LINGO2: variants seen among roughly 807,000 people sequenced by gnomAD.
The protein encoded by LINGO2 is leucine rich repeat and Ig domain containing 2.
In LINGO2, 14 loss-of-function variants were observed where a neutral mutation model predicts 30.6. The ratio of observed to expected loss-of-function variants is 0.46; its 90% confidence interval spans 0.30 to 0.72. The LOEUF (loss-of-function observed/expected upper bound fraction) is 0.72, where lower values mean the gene tolerates loss of function less well. Ranked by LOEUF, LINGO2 falls within the 30% of genes least tolerant of loss-of-function variation. LINGO2 has a pLI of 0.07. For synonymous variants in LINGO2, 317 were observed against 288.5 expected (o/e 1.10, Z -1.00); for missense variants, 729 against 751.7 (o/e 0.97, Z 0.35).
At chr9:28,167,145 C>CA (rs1828451708) in intron 4 of LINGO2, among the ~76,000 whole-genome samples, 1 of 140,614 alleles carries the variant, frequency 7.1e-6, no homozygotes, top group African/African-American at 2.6e-5. Flanking sequence ...TAGCACCCCC[C>CA]CCCCCCACTT....
chr9:29,024,833 T>C, the LINGO2 span, among the ~76,000 whole-genome samples: 6 of 152,112 alleles, frequency 3.9e-5, no homozygotes, highest in African/African-American at 1.2e-4. Flanking sequence ...TTTGACAAAA[T>C]GTGTGTTTCA....
chr9:28,646,382 T>C (rs956121712), intron 1 of LINGO2, among the ~76,000 whole-genome samples: 1 of 152,078 alleles, frequency 6.6e-6, no homozygotes, highest in African/African-American at 2.4e-5. Context: ...GCTCCTTTCA[T>C]AGGAGCAAGC....
chr9:28,558,041 A>G (rs1156818653), intron 1 of LINGO2, among the ~76,000 whole-genome samples: 1 of 149,888 alleles, frequency 6.7e-6, no homozygotes, highest in Non-Finnish European at 1.5e-5. Context: ...GATATACCTA[A>G]TGCTAGATGA....
chr9:28,461,132 A>G (rs566019786), intron 2 of LINGO2, among the ~76,000 whole-genome samples: 16 of 152,294 alleles, frequency 1.1e-4, no homozygotes, highest in African/African-American at 3.4e-4. Flanking sequence ...ATTCACTTTT[A>G]TAACAACATA....
intron 4 of LINGO2, among the ~76,000 whole-genome samples, chr9:28,052,616 T>C (rs1366748940): frequency 6.6e-6 from 1 of 152,082 alleles, no homozygotes; most frequent in African/African-American, 2.4e-5. Flanking sequence ...CATATAAACT[T>C]ATGTCATGGG....
chr9:29,162,839 A>C, the LINGO2 span, among the ~76,000 whole-genome samples: 1 of 152,164 alleles, frequency 6.6e-6, no homozygotes, highest in Non-Finnish European at 1.5e-5. Context: ...TTTCTACTTG[A>C]AACTAGCAGC....
chr9:28,484,850 C>T (rs1826108845), intron 1 of LINGO2, among the ~76,000 whole-genome samples: 7 of 152,088 alleles, frequency 4.6e-5, no homozygotes. Flanking sequence ...ACATCATCTA[C>T]AGGGTGTTGT....
the LINGO2 span, among the ~76,000 whole-genome samples, chr9:28,726,393 A>G: frequency 1.3e-5 from 2 of 152,164 alleles, no homozygotes; most frequent in African/African-American, 2.4e-5. Context: ...TCTGACCACA[A>G]TGGGATAAAT....
chr9:28,857,839 G>C, the LINGO2 span, among the ~76,000 whole-genome samples: 3 of 151,364 alleles, frequency 2.0e-5, no homozygotes, highest in Non-Finnish European at 2.9e-5. Context: ...AATATATTTT[G>C]GATACATTGG....
intron 1 of LINGO2, among the ~76,000 whole-genome samples, chr9:28,484,709 C>A (rs1826104041): frequency 6.6e-6 from 1 of 152,050 alleles, no homozygotes; most frequent in Non-Finnish European, 1.5e-5. Flanking sequence ...TGGCTTGTGA[C>A]TAGTGACAAG....
At chr9:29,160,530 A>C in the LINGO2 span, among the ~76,000 whole-genome samples, 1 of 152,376 alleles carries the variant, frequency 6.6e-6, no homozygotes, top group African/African-American at 2.4e-5. Context: ...TTAGAGTATT[A>C]GAGAATTGCT....
intron 4 of LINGO2, among the ~76,000 whole-genome samples, chr9:28,036,574 A>T (rs1488367913): frequency 6.6e-6 from 1 of 152,232 alleles, no homozygotes; most frequent in Non-Finnish European, 1.5e-5. Flanking sequence ...TTCCATCAGA[A>T]AAGTCCAAAG....
At chr9:28,801,921 T>G in the LINGO2 span, among the ~76,000 whole-genome samples, 2 of 152,008 alleles carry the variant, frequency 1.3e-5, no homozygotes, top group East Asian at 3.9e-4. Context: ...CTGGAAAATA[T>G]AGTGTGCCAA....
At chr9:28,723,093 T>A in the LINGO2 span, among the ~76,000 whole-genome samples, 1 of 152,124 alleles carries the variant, frequency 6.6e-6, no homozygotes, top group Admixed American at 6.6e-5. Flanking sequence ...CACAGGTTTA[T>A]TAAACATTGT....
chr9:29,069,568 T>C, the LINGO2 span, among the ~76,000 whole-genome samples: 1 of 152,022 alleles, frequency 6.6e-6, no homozygotes, highest in African/African-American at 2.4e-5. Flanking sequence ...AATTCCTTTT[T>C]CAAGTCTAGG....
intron 4 of LINGO2, among the ~76,000 whole-genome samples, chr9:28,180,903 C>T (rs1365820870): frequency 6.6e-6 from 1 of 152,096 alleles, no homozygotes; most frequent in Non-Finnish European, 1.5e-5. Context: ...TTGTTCACTA[C>T]TCTAGTTCAC....
chr9:28,449,074 T>TGTGTGTGTG (rs74182509), intron 2 of LINGO2, among the ~76,000 whole-genome samples: 19 of 137,682 alleles, frequency 1.4e-4, no homozygotes, highest in Middle Eastern at 3.5e-3. Context: ...TGTGTGTGTG[T>TGTGTGTGTG]TGGGAAGGTA....
chr9:29,122,236 C>T, the LINGO2 span, among the ~76,000 whole-genome samples: 1 of 151,836 alleles, frequency 6.6e-6, no homozygotes, highest in Non-Finnish European at 1.5e-5. Flanking sequence ...TTAAACAATT[C>T]AAGGAAAACA....
At chr9:28,437,775 G>T (rs546206602) in intron 2 of LINGO2, among the ~76,000 whole-genome samples, 2 of 152,168 alleles carry the variant, frequency 1.3e-5, no homozygotes, top group Admixed American at 6.5e-5. Context: ...ATGAAGAGGG[G>T]TTCTGAAGGA....
Sources: gnomAD v4.1 joint callset for allele counts (sites outside exome capture counted in the v4.1 genomes callset) on GRCh38, gnomAD v4.1.1 for gene constraint, MANE v1.5 for transcripts, NCBI Gene and HGNC (gene_info 2026-07-23, HGNC 2026-07-21) for gene names.